Variants in HNRNPUL1 observed in about 807,000 individuals in gnomAD.
The protein encoded by HNRNPUL1 is heterogeneous nuclear ribonucleoprotein U-like protein 1.
Under a neutral mutation model 108.5 loss-of-function variants are expected in HNRNPUL1, and 14 were observed. The ratio of observed to expected loss-of-function variants is 0.13; its 90% CI spans 0.09 to 0.20. HNRNPUL1 has a LOEUF of 0.20. HNRNPUL1 is among the 10% of genes least tolerant of loss of function. The probability of loss-of-function intolerance (pLI) is 1.00; values close to 1 mark genes in which losing one functional copy is unlikely to be tolerated. For missense variants in HNRNPUL1, 804 were observed against 1,168.3 expected, an observed-to-expected ratio of 0.69 and a Z score of 4.55; for synonymous variants, 422 against 445.2, an observed-to-expected ratio of 0.95 and a Z score of 0.66.
Position 41,304,019 on chromosome 19 carries a change from A to C in HNRNPUL1, c.2020A>C (p.Asn674His), listed in dbSNP as rs748373357. ...TGGCTATAGCCAGAACCGCTGGGGT[A>C]ACAACAACCGGGATAACAACAACTC... ...GGGYSQNRWG[N>H]NNRDNNNSNN... is the part of the protein sequence containing the mutation. The change falls in exon 13 of 15, where the codon AAC becomes CAC. Residue 674 changes from asparagine to histidine, a missense_variant. Around this residue, in one of 4 missense-constraint regions of HNRNPUL1, gnomAD observed 294 missense variants for 388.3 expected, o/e 0.76. Coordinates refer to ENST00000392006, the MANE Select transcript of HNRNPUL1 (RefSeq NM_007040.6). 6.2e-7 allele frequency: 1 copy of C among 1,614,058 alleles called. No homozygotes were observed. The highest frequency in any genetic ancestry group is 8.5e-7 in the Non-Finnish European group (1 of 1,179,972).
intron 3 of HNRNPUL1, 26 bp downstream of exon 3, chr19:41,272,261 C>A (rs916062948): frequency 4.4e-6 from 7 of 1,607,792 alleles, no homozygotes; most frequent in African/African-American, 1.3e-5. Flanking sequence ...AGCAGTCACC[C>A]TTGCTCTGGT....
chr19:41,272,078 A>G lies in HNRNPUL1; in HGVS notation c.419-4A>G, dbSNP rs1452382784. ...TTGACCATCTGAATTTGTCTTGACA[A>G]TAGAAATGAAGACAGAGATGAAGCA... On this transcript the variant is annotated splice_polypyrimidine_tract_variant and splice_region_variant and intron_variant, in intron 2 of 14. Coordinates refer to ENST00000392006, the MANE Select transcript of HNRNPUL1 (RefSeq NM_007040.6). 6.2e-7 allele frequency: 1 copy of G among 1,613,570 alleles called. No homozygotes were observed. The highest frequency in any genetic ancestry group is 8.5e-7 in the Non-Finnish European group (1 of 1,179,788).
At chr19:41,285,084 G>A (rs537648919) in intron 7 of HNRNPUL1, among the ~76,000 whole-genome samples, 1 of 151,760 alleles carries the variant, frequency 6.6e-6, no homozygotes, top group Non-Finnish European at 1.5e-5. Context: ...GCAAAAGAAA[G>A]GGGAAAGATC....
rs140688275 is a variant in HNRNPUL1, at chr19:41,284,869, G to A, written c.999+3594G>A. On this transcript the variant is annotated intron_variant, in intron 7 of 14. Coordinates refer to ENST00000392006, the MANE Select transcript of HNRNPUL1 (RefSeq NM_007040.6). ...AAATTAGCCGGGCGTGGTGGCCAGC[G>A]CCTGTAGTCCCAGCTACTCGGGAGG... is the stretch of plus-strand genomic sequence containing the variant. Among the ~76,000 whole-genome samples, 1,010 of 152,064 alleles carry A rather than the reference G, an allele frequency of 6.6e-3. 9 individuals carry two copies. Among genetic ancestry groups the A allele is most frequent in the African/African-American group, 0.022 (913 of 41,492 alleles).
Position 41,301,470 on chromosome 19 carries a change from C to G in HNRNPUL1, c.1519-66C>G, listed in dbSNP as rs1378964623. The G allele has an allele frequency of 4.4e-6, 6 of 1,378,422 alleles. No individual in the cohort carries two copies. In the Admixed American group the frequency reaches 1.0e-4, roughly 24 times the overall value. The allele number at this position is 1,378,422 out of a possible 1,614,324, so 85.4% of individuals were successfully genotyped here. On this transcript the variant is annotated intron_variant, in intron 10 of 14. Transcript: ENST00000392006. ...TTCTCAGTCCCTGGCCTACATAATA[C>G]CCCTCAGAGGAAAAAACCAACTCTT...
In HNRNPUL1 at chr19:41,273,982, G is replaced by A; in HGVS notation, c.573G>A (p.Arg191=). 6.2e-7 allele frequency: 1 copy of A among 1,613,508 alleles called. No individual in the cohort carries two copies. The highest frequency in any genetic ancestry group is 1.7e-5 in the Admixed American group (1 of 60,022). The change falls in exon 4 of 15, where the codon AGG becomes AGA. Residue 191 remains arginine, a splice_region_variant and synonymous_variant. Transcript: ENST00000392006. Reference sequence around the variant, plus strand: ...GACTTAACCCCTGTTTCTAATACAGGGGCCGCTCTCCTCAGCCTCCTGCTG... The same window carrying A: ...GACTTAACCCCTGTTTCTAATACAGAGGCCGCTCTCCTCAGCCTCCTGCTG... ...RGYFEHREDR[R]GRSPQPPAEE...
Position 41,306,442 on chromosome 19 carries a change from TC to T in HNRNPUL1, c.2455-3del. On this transcript the variant is annotated splice_polypyrimidine_tract_variant and splice_region_variant and intron_variant, in intron 14 of 14. Transcript: ENST00000392006. Reference sequence around the variant, plus strand: ...GACAACTTGGTGTTCTTGGTTTCTTTCCCCAGTATGCCCAGCAGTGGAACCA... The same window carrying T: ...GACAACTTGGTGTTCTTGGTTTCTTTCCCAGTATGCCCAGCAGTGGAACCA... 1 of 1,563,424 alleles carries T rather than the reference TC, an allele frequency of 6.4e-7. No homozygotes were observed. The highest frequency in any genetic ancestry group is 8.6e-7 in the Non-Finnish European group (1 of 1,156,256).
At chr19:41,277,514 T>G (rs1417887658) in intron 5 of HNRNPUL1, among the ~76,000 whole-genome samples, 3 of 152,212 alleles carry the variant, frequency 2.0e-5, no homozygotes, top group African/African-American at 7.2e-5. Context: ...TTGTTTGTTT[T>G]TTTGTTTTTG....
intron 12 of HNRNPUL1, among the ~76,000 whole-genome samples, chr19:41,303,276 T>C (rs2037344096): frequency 6.6e-6 from 1 of 151,840 alleles, no homozygotes; most frequent in South Asian, 2.1e-4. Context: ...AAATGGGGGC[T>C]ACATCTTTGG....
intron 7 of HNRNPUL1, 34 bp downstream of exon 7, chr19:41,281,309 C>A: frequency 7.0e-7 from 1 of 1,438,826 alleles, no homozygotes; most frequent in Non-Finnish European, 9.8e-7. Flanking sequence ...GTTGGCAGAA[C>A]CAGATGTTGG....
chr19:41,301,441 C>A, intron 10 of HNRNPUL1, 95 bp from the exon 11 acceptor site: 1 of 1,003,060 alleles, frequency 1.0e-6, no homozygotes. Flanking sequence ...GCACTGATAT[C>A]CTTTTCTCAG....
chr19:41,305,560 G>T, intron 13 of HNRNPUL1, 116 bp from the exon 14 acceptor site: 2 of 1,279,062 alleles, frequency 1.6e-6, no homozygotes, highest in Non-Finnish European at 2.2e-6. Flanking sequence ...CACTAGGCAA[G>T]GGAAGGGCCC....
intron 7 of HNRNPUL1, among the ~76,000 whole-genome samples, chr19:41,282,391 A>T: frequency 6.6e-6 from 1 of 152,168 alleles, no homozygotes; most frequent in East Asian, 1.9e-4. Context: ...CATGTTGGTC[A>T]GGCTGGTCTC....
Position 41,294,305 on chromosome 19 carries a change from T to C in HNRNPUL1, c.1267-33T>C, listed in dbSNP as rs766893451. The C allele has an allele frequency of 1.7e-5, 27 of 1,610,686 alleles. No homozygotes were observed. The highest frequency in any genetic ancestry group is 2.2e-5 in the Non-Finnish European group (26 of 1,177,916). ...CGAGCCAAGTGGTGCCATACCACCA[T>C]GCCGCAACACCTTCCCTGTCTTGTT... On this transcript the variant is annotated intron_variant, in intron 8 of 14. Coordinates refer to ENST00000392006, the MANE Select transcript of HNRNPUL1 (RefSeq NM_007040.6). This position sits in a 1 kb window ranked among gnomAD's most constrained non-coding sequence, Gnocchi z 4.3.
At chr19:41,285,916 C>G (rs2036195715) in intron 7 of HNRNPUL1, among the ~76,000 whole-genome samples, 1 of 152,182 alleles carries the variant, frequency 6.6e-6, no homozygotes, top group Admixed American at 6.5e-5. Flanking sequence ...CGCCTGTAAT[C>G]CCAGCACTTC....
rs1360137207 is a variant in HNRNPUL1 at position 41,276,302 on chromosome 19, A to G, written c.786+4A>G. On this transcript the variant is annotated splice_donor_region_variant and intron_variant, in intron 5 of 14. Transcript: ENST00000392006. The stretch of plus-strand genomic sequence containing the variant: ...CCGTGTATGCTTCGAGATGAAGGTG[A>G]GTAGGAGCAAGAGAAGGGGAAGGGA... 36 of 1,599,254 alleles carry G rather than the reference A, an allele frequency of 2.3e-5. No homozygotes were observed. Among genetic ancestry groups the G allele is most frequent in the Non-Finnish European group, 3.1e-5 (36 of 1,170,120 alleles).
intron 7 of HNRNPUL1, among the ~76,000 whole-genome samples, chr19:41,283,349 C>G (rs2036017695): frequency 6.6e-6 from 1 of 152,224 alleles, no homozygotes; most frequent in South Asian, 2.1e-4. Flanking sequence ...GGCGCGATCT[C>G]AACTCACTGC....
rs757176507 is a variant in HNRNPUL1, at chr19:41,292,317, A to C, written c.1072A>C (p.Ile358Leu). 6.2e-7 allele frequency: 1 copy of C among 1,614,192 alleles called. No homozygotes were observed. Among genetic ancestry groups the C allele is most frequent in the South Asian group, 1.1e-5 (1 of 91,088 alleles). Residue 358 changes from isoleucine (I) to leucine (L), a missense_variant, in exon 8 of 15, where the codon ATC (isoleucine) becomes CTC (leucine). By Grantham distance (5) the Ile-to-Leu change is conservative. Around this residue, in one of 4 missense-constraint regions of HNRNPUL1, gnomAD observed 174 missense variants for 296.6 expected, o/e 0.59. Coordinates refer to ENST00000392006, the MANE Select transcript of HNRNPUL1 (RefSeq NM_007040.6). The surrounding 1 kb of genome is among the most constrained non-coding windows in gnomAD (Gnocchi z 4.1). ...NGKWMGIAFRIQKEALGGQAL... is the reference protein window; with the variant it reads ...NGKWMGIAFRLQKEALGGQAL... ...AAAGTGGATGGGCATTGCTTTCCGAATCCAGAAGGAAGCCTTGGGGGGTCA... is the reference window on the plus strand; with the variant it reads ...AAAGTGGATGGGCATTGCTTTCCGACTCCAGAAGGAAGCCTTGGGGGGTCA...
intron 2 of HNRNPUL1, among the ~76,000 whole-genome samples, chr19:41,269,517 G>A (rs2035083914): frequency 7.0e-6 from 1 of 143,704 alleles, no homozygotes; most frequent in Non-Finnish European, 1.5e-5. Flanking sequence ...AAAATTAAAA[G>A]TAGGTTAGAA....
Sources: allele counts gnomAD v4.1 joint callset (sites outside exome capture counted in the v4.1 genomes callset), GRCh38; gene constraint gnomAD v4.1.1; regional missense constraint gnomAD v4.1.1; non-coding constraint Gnocchi (gnomAD v3.1); transcripts MANE v1.5; gene names NCBI Gene and HGNC (gene_info 2026-07-23, HGNC 2026-07-21).